SDCCAG8: variants seen among roughly 807,000 people sequenced by gnomAD.
The protein encoded by SDCCAG8 is SHH signaling and ciliogenesis regulator SDCCAG8.
A neutral mutation model predicts 101.8 loss-of-function variants in SDCCAG8; 74 were observed. That is an observed-to-expected ratio of 0.73 (90% CI 0.60 to 0.88). The LOEUF (loss-of-function observed/expected upper bound fraction) is 0.88, where lower values mean the gene tolerates loss of function less well. SDCCAG8 is among the 40% of genes least tolerant of loss of function. The pLI, the probability that SDCCAG8 is intolerant of heterozygous loss-of-function variation, is 0.00. For synonymous variants in SDCCAG8, 281 were observed against 292.9 expected, an observed-to-expected ratio of 0.96 and a Z score of 0.41; for missense variants, 787 against 822.6, an observed-to-expected ratio of 0.96 and a Z score of 0.53.
At chr1:243,358,220 G>A (rs1235064808) in intron 12 of SDCCAG8, among the ~76,000 whole-genome samples, 1 of 152,016 alleles carries the variant, frequency 6.6e-6, no homozygotes, top group Non-Finnish European at 1.5e-5. Context: ...TCTAGGATAT[G>A]TAAGGTACAT....
intron 16 of SDCCAG8, among the ~76,000 whole-genome samples, chr1:243,430,017 G>A (rs1387010962): frequency 6.6e-6 from 1 of 151,924 alleles, no homozygotes; most frequent in African/African-American, 2.4e-5. Flanking sequence ...AACTTTTTGT[G>A]GGTACTAGGT....
intron 16 of SDCCAG8, among the ~76,000 whole-genome samples, chr1:243,430,411 A>C (rs1423324926): frequency 1.3e-5 from 2 of 152,116 alleles, no homozygotes; most frequent in Admixed American, 6.5e-5. Context: ...CTGGACCTAA[A>C]GGCAGGGTCT....
At chr1:243,413,262 G>C (rs1425022508) in intron 13 of SDCCAG8, among the ~76,000 whole-genome samples, 1 of 152,148 alleles carries the variant, frequency 6.6e-6, no homozygotes, top group Non-Finnish European at 1.5e-5. Flanking sequence ...CTGGAGTTCA[G>C]TGGCACAATC....
At chr1:243,449,168 T>C (rs1271257936) in intron 16 of SDCCAG8, among the ~76,000 whole-genome samples, 1 of 152,238 alleles carries the variant, frequency 6.6e-6, no homozygotes, top group African/African-American at 2.4e-5. Flanking sequence ...CTGGCTCTAC[T>C]TAGGCTATTT....
rs2075362314 is a variant in SDCCAG8 at position 243,341,188 on chromosome 1, T to A, written c.1356+15T>A. On this transcript the variant is annotated intron_variant, in intron 11 of 17. Transcript: ENST00000366541. The stretch of plus-strand genomic sequence containing the variant: ...ATGTCACAAAGGTACAGAAAGAGAT[T>A]TTAGTGTAATCGTTACTTAAGGAAA... 1 of 1,613,508 alleles carries A rather than the reference T, an allele frequency of 6.2e-7. No homozygotes were observed. The highest frequency in any genetic ancestry group is 1.3e-5 in the African/African-American group (1 of 75,042).
intron 13 of SDCCAG8, among the ~76,000 whole-genome samples, chr1:243,381,447 C>T (rs921854583): frequency 4.6e-5 from 7 of 152,016 alleles, no homozygotes; most frequent in African/African-American, 7.2e-5. Flanking sequence ...AAATATTAGT[C>T]AGGCATGGTG....
chr1:243,346,697 G>A (rs2075729779), intron 12 of SDCCAG8, among the ~76,000 whole-genome samples: 2 of 152,142 alleles, frequency 1.3e-5, no homozygotes, highest in Non-Finnish European at 2.9e-5. Context: ...GTCAGGAACC[G>A]ATGGGCGGAT....
chr1:243,452,299 G>T, intron 16 of SDCCAG8, among the ~76,000 whole-genome samples: 2 of 151,726 alleles, frequency 1.3e-5, no homozygotes, highest in South Asian at 4.2e-4. Context: ...GGGGTTTTTC[G>T]TCTTCCCCTT....
intron 9 of SDCCAG8, among the ~76,000 whole-genome samples, chr1:243,322,835 A>T (rs1162866930): frequency 1.3e-5 from 2 of 151,296 alleles, no homozygotes. Flanking sequence ...AAAGGAAGTC[A>T]TTTAACAAAG....
chr1:243,353,216 C>T lies in SDCCAG8; in HGVS notation c.1473+8885C>T, dbSNP rs191224553. Among the ~76,000 whole-genome samples, 4 of 151,878 alleles carry T rather than the reference C, an allele frequency of 2.6e-5. No individual in the cohort carries two copies. In the East Asian group the frequency reaches 5.9e-4, roughly 22 times the overall value. On this transcript the variant is annotated intron_variant, in intron 12 of 17. Coordinates refer to ENST00000366541, the MANE Select transcript of SDCCAG8 (RefSeq NM_006642.5). ...GGTTAGAATGTTGCCTAGGGCCAGC[C>T]GTGGTGGCTCATGCCTGTAATCCCA...
intron 13 of SDCCAG8, among the ~76,000 whole-genome samples, chr1:243,414,836 C>T (rs2080450016): frequency 7.6e-6 from 1 of 132,370 alleles, no homozygotes; most frequent in South Asian, 2.6e-4. Flanking sequence ...TTTGAAGAAC[C>T]ATTCTAATAT....
chr1:243,392,759 T>C (rs2078778768), intron 13 of SDCCAG8, among the ~76,000 whole-genome samples: 1 of 152,208 alleles, frequency 6.6e-6, no homozygotes, highest in Non-Finnish European at 1.5e-5. Flanking sequence ...AGATGCCGTT[T>C]CATATGTTTG....
At chr1:243,433,356 GAAAAA>G (rs914707825) in intron 16 of SDCCAG8, among the ~76,000 whole-genome samples, 1 of 64,962 alleles carries the variant, frequency 1.5e-5, no homozygotes, top group African/African-American at 5.4e-5. Context: ...CGTCTCAAAA[GAAAAA>G]AAAAAAAAAA....
chr1:243,388,145 A>G (rs901781918), intron 13 of SDCCAG8, among the ~76,000 whole-genome samples: 4 of 152,192 alleles, frequency 2.6e-5, no homozygotes, highest in African/African-American at 9.6e-5. Context: ...ACCATGTACA[A>G]TCCAGGTGCA....
chr1:243,303,640 C>T (rs2071775193), intron 6 of SDCCAG8, among the ~76,000 whole-genome samples: 1 of 152,148 alleles, frequency 6.6e-6, no homozygotes, highest in African/African-American at 2.4e-5. Context: ...ATAACATTAT[C>T]TTTTCTCTAG....
rs1193390013 is a variant in SDCCAG8 at position 243,256,195 on chromosome 1, T to C, written c.22T>C (p.Ser8Pro). MAKSPEN[S>P]TLEEILGQYQ... ...GTGCATGGCGAAGTCCCCGGAGAAC[T>C]CTACCCTGGAGGAGATTCTGGGGCA... Residue 8 changes from serine to proline, a missense_variant, in exon 1 of 18, where the codon TCT becomes CCT. Ser to Pro is a moderately conservative substitution (Grantham distance 74). Transcript: ENST00000366541. The C allele has an allele frequency of 2.5e-6, 4 of 1,614,172 alleles. No homozygotes were observed. Among genetic ancestry groups the C allele is most frequent in the Non-Finnish European group, 3.4e-6 (4 of 1,180,004 alleles).
intron 10 of SDCCAG8, among the ~76,000 whole-genome samples, chr1:243,339,267 AAACCATAC>A (rs1486136185): frequency 6.6e-6 from 1 of 152,204 alleles, no homozygotes; most frequent in Non-Finnish European, 1.5e-5. Flanking sequence ...TTTACTTCAA[AAACCATAC>A]AATGTTGTTT....
intron 6 of SDCCAG8, among the ~76,000 whole-genome samples, chr1:243,296,480 TTGCTTCAGTA>T (rs1309423887): frequency 6.6e-6 from 1 of 151,700 alleles, no homozygotes; most frequent in Non-Finnish European, 1.5e-5. Context: ...CCTCCTATTC[TTGCTTCAGTA>T]TGCTTCAGTT....
chr1:243,497,392 T>G (rs1668266017), intron 17 of SDCCAG8, among the ~76,000 whole-genome samples: 2 of 145,630 alleles, frequency 1.4e-5, no homozygotes, highest in Non-Finnish European at 1.5e-5. Context: ...AAAGTGGGGA[T>G]GGATATGGGG....
Sources: gnomAD v4.1 joint callset for allele counts (sites outside exome capture counted in the v4.1 genomes callset) on GRCh38, gnomAD v4.1.1 for gene constraint, MANE v1.5 for transcripts, NCBI Gene and HGNC (gene_info 2026-07-23, HGNC 2026-07-21) for gene names.